Variants in SYCP2L observed in about 807,000 individuals in gnomAD.
SYCP2L encodes synaptonemal complex protein 2-like.
Under a neutral mutation model 125.8 loss-of-function variants are expected in SYCP2L, and 98 were observed. The observed-to-expected ratio is 0.78, with a 90% confidence interval of 0.66 to 0.92. The LOEUF is 0.92. SYCP2L is among the 40% of genes least tolerant of loss of function. The probability of loss-of-function intolerance (pLI) is 0.00; values close to 1 mark genes in which losing one functional copy is unlikely to be tolerated. For missense variants in SYCP2L, 842 were observed against 936.4 expected, an observed-to-expected ratio of 0.90 and a Z score of 1.32; for synonymous variants, 317 against 325.4, an observed-to-expected ratio of 0.97 and a Z score of 0.28.
intron 14 of SYCP2L, 152 bp downstream of exon 14, chr6:10,913,079 T>A: frequency 1.6e-6 from 1 of 642,858 alleles, no homozygotes; most frequent in Non-Finnish European, 2.6e-6. Flanking sequence ...CTGTCACAGG[T>A]TTGTGACTTC....
Position 10,912,751 on chromosome 6 carries a change from A to G in SYCP2L, c.997A>G (p.Ile333Val), listed in dbSNP as rs749032792. 3.1e-6 allele frequency: 5 copies of G among 1,613,590 alleles called. No individual in the cohort carries two copies. In the Admixed American group the frequency reaches 6.7e-5, roughly 22 times the overall value. ...NLGSQSVTFY[I>V]DNAENTLWDS... The stretch of plus-strand genomic sequence containing the variant: ...AGGAAGTCAGAGTGTCACTTTTTAT[A>G]TAGACAATGCTGAGGTAATGATGTT... Residue 333 changes from isoleucine to valine, a missense_variant, in exon 13 of 30, where the codon ATA (isoleucine) becomes GTA (valine). Ile to Val is a conservative substitution (Grantham distance 29). Coordinates refer to ENST00000283141, the MANE Select transcript of SYCP2L (RefSeq NM_001040274.3). This position sits in a 1 kb window ranked among gnomAD's most constrained non-coding sequence, Gnocchi z 4.1.
chr6:10,900,022 A>T (rs962244729), intron 6 of SYCP2L, among the ~76,000 whole-genome samples: 1 of 152,116 alleles, frequency 6.6e-6, no homozygotes, highest in Non-Finnish European at 1.5e-5. Flanking sequence ...CTATATATTC[A>T]CTCTACGGTC....
chr6:10,929,676 C>T (rs1046907526), intron 18 of SYCP2L, among the ~76,000 whole-genome samples: 13 of 151,940 alleles, frequency 8.6e-5, no homozygotes, highest in Admixed American at 3.9e-4. Context: ...GGCTCACACC[C>T]GTAATCCCAG....
chr6:10,969,029 C>T (rs891120672), intron 29 of SYCP2L, among the ~76,000 whole-genome samples: 3 of 152,170 alleles, frequency 2.0e-5, no homozygotes, highest in South Asian at 4.1e-4. Context: ...GACAGCAACC[C>T]TCCCACTCAG....
rs1225746 is a variant in SYCP2L, at chr6:10,955,175, C to G, written c.2014C>G (p.Pro672Ala). The G allele has an allele frequency of 1.1e-5, 18 of 1,613,518 alleles. No individual in the cohort carries two copies. In the African/African-American group the frequency reaches 2.4e-4, roughly 22 times the overall value. ...ATCAAGATTGGAAGAAGAGGTTGCT[C>G]CGGGATCCCCTTTCTCAATAACAGA... is the stretch of plus-strand genomic sequence containing the variant. The part of the protein sequence containing the change: ...QQSRLEEEVA[P>A]GSPFSITEER... The change falls in exon 24 of 30, where the codon CCG (proline) becomes GCG (alanine). Residue 672 changes from proline to alanine, a missense_variant. By Grantham distance (27) the Pro-to-Ala change is conservative. Transcript: ENST00000283141.
At chr6:10,923,243 A>G (rs1173298627) in intron 14 of SYCP2L, among the ~76,000 whole-genome samples, 1 of 151,878 alleles carries the variant, frequency 6.6e-6, no homozygotes, top group Non-Finnish European at 1.5e-5. Flanking sequence ...CTTACCTTGT[A>G]CTTAATGTGG....
chr6:10,901,714 C>G (rs1166816054), intron 6 of SYCP2L, among the ~76,000 whole-genome samples: 3 of 152,198 alleles, frequency 2.0e-5, no homozygotes, highest in Non-Finnish European at 4.4e-5. Context: ...AAAATCATCT[C>G]TAGTCAACAA....
chr6:10,953,625 T>C (rs1781448179), intron 23 of SYCP2L, among the ~76,000 whole-genome samples: 2 of 152,226 alleles, frequency 1.3e-5, no homozygotes, highest in South Asian at 4.1e-4. Flanking sequence ...TTCTGCAGCA[T>C]TCATCTATTC....
chr6:10,931,576 T>A (rs2113358149), intron 20 of SYCP2L, 87 bp downstream of exon 20: 2 of 1,320,776 alleles, frequency 1.5e-6, no homozygotes, highest in Non-Finnish European at 2.2e-6. Flanking sequence ...AATATAAAAA[T>A]AACAAAATAT....
At chr6:10,953,525 T>C (rs1029561289) in intron 23 of SYCP2L, among the ~76,000 whole-genome samples, 1 of 152,206 alleles carries the variant, frequency 6.6e-6, no homozygotes, top group Non-Finnish European at 1.5e-5. Flanking sequence ...ACTAGGAGAA[T>C]TAGAATAAGA....
intron 14 of SYCP2L, among the ~76,000 whole-genome samples, chr6:10,913,805 A>G (rs753075233): frequency 5.9e-5 from 9 of 151,928 alleles, no homozygotes; most frequent in East Asian, 1.9e-4. Context: ...GCCAATGTCT[A>G]GAAGGGTTTT....
At chr6:10,913,566 AT>A (rs569081929) in intron 14 of SYCP2L, among the ~76,000 whole-genome samples, 5 of 149,004 alleles carry the variant, frequency 3.4e-5, no homozygotes, top group Admixed American at 2.7e-4. Context: ...TTTGGATGGG[AT>A]TTTTTTTTTC....
chr6:10,973,846 G>A (rs1781816002), intron 29 of SYCP2L, 106 bp from the exon 30 acceptor site: 1 of 152,222 alleles, frequency 6.6e-6, no homozygotes. Context: ...GAGATGTAGC[G>A]GATAAAAAGG....
At chr6:10,890,271 T>G (rs1158312911) in intron 1 of SYCP2L, among the ~76,000 whole-genome samples, 2 of 152,228 alleles carry the variant, frequency 1.3e-5, no homozygotes, top group Non-Finnish European at 2.9e-5. Flanking sequence ...TTGAGGAACC[T>G]CCATACTGTT....
rs548319542 is a variant in SYCP2L at position 10,947,580 on chromosome 6, T to A, written c.1954+4834T>A. 1.3e-3 allele frequency among the ~76,000 whole-genome samples: 201 copies of A among 152,232 alleles called. 3 individuals carry two copies. In the South Asian group the frequency reaches 0.014, roughly 11 times the overall value. ...TATTGCTAAAGTAGAGCGATACTGT[T>A]AATTTTTATAAAATAACCCTGTATC... On this transcript the variant is annotated intron_variant, in intron 23 of 29. Transcript: ENST00000283141.
At chr6:10,956,050 C>A in intron 24 of SYCP2L, 86 bp from the exon 25 acceptor site, 1 of 1,103,686 alleles carries the variant, frequency 9.1e-7, no homozygotes, top group Non-Finnish European at 1.3e-6. Flanking sequence ...TTCCAAATAA[C>A]TCATCCTCTG....
Position 10,906,074 on chromosome 6 carries a change from T to C in SYCP2L, c.676+20T>C. 6.6e-7 allele frequency: 1 copy of C among 1,522,088 alleles called. No homozygotes were observed. The highest frequency in any genetic ancestry group is 9.1e-7 in the Non-Finnish European group (1 of 1,097,956). 94.3% of individuals were successfully genotyped at this position (1,522,088 alleles called of 1,614,324 possible). A position where few individuals can be genotyped will look rare whatever the true frequency, so the allele number is the denominator to read the frequency against. On this transcript the variant is annotated intron_variant, in intron 9 of 29. Coordinates refer to ENST00000283141, the MANE Select transcript of SYCP2L (RefSeq NM_001040274.3). ...TGGGTGGTAAGAAATTTTAGAATTT[T>C]CAGTATTAGAATATTAAATATTGGA...
chr6:10,904,710 T>C (rs899291470), intron 8 of SYCP2L, among the ~76,000 whole-genome samples: 1 of 152,204 alleles, frequency 6.6e-6, no homozygotes, highest in African/African-American at 2.4e-5. Flanking sequence ...GCAGAATTAA[T>C]TTCGCTCAGT....
intron 28 of SYCP2L, 22 bp downstream of exon 28, chr6:10,961,580 C>A: frequency 1.2e-6 from 2 of 1,612,970 alleles, no homozygotes; most frequent in South Asian, 1.1e-5. Context: ...GGTGTTCTTT[C>A]TAGAAGAATC....
Sources: gnomAD v4.1 joint callset for allele counts (sites outside exome capture counted in the v4.1 genomes callset) on GRCh38, gnomAD v4.1.1 for gene constraint, Gnocchi (gnomAD v3.1) non-coding constraint, MANE v1.5 for transcripts, NCBI Gene and HGNC (gene_info 2026-07-23, HGNC 2026-07-21) for gene names.